Variants in DLG2 observed in about 807,000 individuals in gnomAD.
DLG2 encodes the protein discs large MAGUK scaffold protein 2.
In DLG2, 45 loss-of-function variants were observed where a neutral mutation model predicts 132.5. That is an observed-to-expected ratio of 0.34 (90% CI 0.27 to 0.44). The LOEUF (loss-of-function observed/expected upper bound fraction) is 0.44, where lower values mean the gene tolerates loss of function less well. DLG2 is among the 20% of genes least tolerant of loss of function. The pLI, the probability that DLG2 is intolerant of heterozygous loss-of-function variation, is 1.00. For missense variants in DLG2, 1,045 were observed against 1,196.9 expected (o/e 0.87, Z 1.87); for synonymous variants, 424 against 419.6 (o/e 1.01, Z -0.13).
chr11:84,183,796 A>T (rs933406809), intron 8 of DLG2, among the ~76,000 whole-genome samples: 2 of 152,020 alleles, frequency 1.3e-5, no homozygotes, highest in African/African-American at 4.8e-5. Flanking sequence ...TCATTGTTCA[A>T]TTCCCACCTA....
intron 4 of DLG2, among the ~76,000 whole-genome samples, chr11:85,257,660 AG>A (rs1227810727): frequency 6.6e-6 from 1 of 152,228 alleles, no homozygotes; most frequent in Non-Finnish European, 1.5e-5. Context: ...TGAAATATGT[AG>A]GCAATATTCA....
intron 6 of DLG2, among the ~76,000 whole-genome samples, chr11:84,779,894 A>C (rs955864074): frequency 6.6e-6 from 1 of 151,538 alleles, no homozygotes; most frequent in African/African-American, 2.4e-5. Flanking sequence ...CTCTCAACAA[A>C]AAAAAAAGCC....
chr11:85,191,478 A>G (rs2080569136), intron 4 of DLG2, among the ~76,000 whole-genome samples: 1 of 152,160 alleles, frequency 6.6e-6, no homozygotes, highest in Non-Finnish European at 1.5e-5. Flanking sequence ...GAATGCAAGG[A>G]AGAAAACAGT....
intron 18 of DLG2, among the ~76,000 whole-genome samples, chr11:83,737,596 A>T (rs2092070291): frequency 6.6e-6 from 1 of 152,244 alleles, no homozygotes; most frequent in Non-Finnish European, 1.5e-5. Flanking sequence ...GGAAAAGGAT[A>T]GCAAATAGAA....
intron 6 of DLG2, among the ~76,000 whole-genome samples, chr11:84,785,410 G>T (rs1264058645): frequency 1.3e-5 from 2 of 152,034 alleles, no homozygotes; most frequent in Non-Finnish European, 2.9e-5. Flanking sequence ...CTCATGAGTT[G>T]TTAGGTATAC....
At chr11:84,762,328 C>T (rs2067742945) in intron 6 of DLG2, among the ~76,000 whole-genome samples, 1 of 152,092 alleles carries the variant, frequency 6.6e-6, no homozygotes, top group African/African-American at 2.4e-5. Flanking sequence ...TGCACAAGGT[C>T]TTAGATGGTG....
intron 6 of DLG2, among the ~76,000 whole-genome samples, chr11:84,851,274 GTTA>G (rs1165075774): frequency 3.3e-5 from 5 of 152,130 alleles, no homozygotes; most frequent in African/African-American, 7.2e-5. Flanking sequence ...TCCTTCACAT[GTTA>G]TTATATTTGA....
chr11:85,132,817 C>T (rs1473131249), intron 5 of DLG2: 2 of 456,732 alleles, frequency 4.4e-6, no homozygotes, highest in Non-Finnish European at 8.8e-6. Context: ...CTACACAGGA[C>T]TCAGTACATG....
At chr11:84,299,131 A>G (rs1394448020) in intron 7 of DLG2, among the ~76,000 whole-genome samples, 1 of 152,234 alleles carries the variant, frequency 6.6e-6, no homozygotes, top group Non-Finnish European at 1.5e-5. Context: ...GATAAAAAAT[A>G]GAGAACTGCT....
At chr11:85,044,976 C>A (rs746324990) in intron 6 of DLG2, among the ~76,000 whole-genome samples, 1 of 152,010 alleles carries the variant, frequency 6.6e-6, no homozygotes, top group South Asian at 2.1e-4. Context: ...CCTTTCTCTG[C>A]CCGTTAATTC....
chr11:84,966,339 G>A (rs2053341313), intron 6 of DLG2, among the ~76,000 whole-genome samples: 2 of 152,150 alleles, frequency 1.3e-5, no homozygotes, highest in Middle Eastern at 3.4e-3. Flanking sequence ...CCAGAACCCA[G>A]TAGCTTAACC....
chr11:83,458,788 A>G lies in DLG2; in HGVS notation c.*1030T>C, dbSNP rs376319642. ...ATAAGTTTGTCTCTGAAAAGCCATC[A>G]GCATAAAAAAATGCATTAACCAAAT... On this transcript the variant is annotated 3_prime_UTR_variant, in exon 28 of 28. Coordinates refer to ENST00000376104, the MANE Select transcript of DLG2 (RefSeq NM_001142699.3). The G allele has an allele frequency of 3.3e-5, 5 of 152,252 alleles. No homozygotes were observed. The East Asian group carries it at 7.7e-4, about 23-fold the overall frequency. The allele number at this position is 152,252 out of a possible 1,614,324, so 9.4% of individuals were successfully genotyped here.
At chr11:84,191,552 T>C (rs1283813685) in intron 8 of DLG2, among the ~76,000 whole-genome samples, 1 of 152,182 alleles carries the variant, frequency 6.6e-6, no homozygotes, top group South Asian at 2.1e-4. Context: ...AGAACACATA[T>C]GTGGGAACTA....
chr11:83,777,677 C>A (rs972532599), intron 18 of DLG2, among the ~76,000 whole-genome samples: 2 of 152,112 alleles, frequency 1.3e-5, no homozygotes, highest in Non-Finnish European at 2.9e-5. Flanking sequence ...AACTTAAAAT[C>A]ATTATTGAAT....
At chr11:85,047,094 C>T (rs1294841233) in intron 6 of DLG2, among the ~76,000 whole-genome samples, 1 of 151,876 alleles carries the variant, frequency 6.6e-6, no homozygotes, top group Non-Finnish European at 1.5e-5. Flanking sequence ...CTATTTTCTT[C>T]TTTCTTCTTC....
chr11:84,330,544 C>G (rs1341570407), intron 7 of DLG2, among the ~76,000 whole-genome samples: 1 of 152,108 alleles, frequency 6.6e-6, no homozygotes, highest in Admixed American at 6.5e-5. Context: ...AACATTGGAG[C>G]CATACAGGAA....
intron 8 of DLG2, among the ~76,000 whole-genome samples, chr11:84,201,215 G>C (rs2096588111): frequency 6.6e-6 from 1 of 152,060 alleles, no homozygotes; most frequent in Non-Finnish European, 1.5e-5. Context: ...TGTGGTTTTT[G>C]TCTTTTGTTC....
At chr11:84,949,621 C>G (rs1207454218) in intron 6 of DLG2, among the ~76,000 whole-genome samples, 1 of 152,166 alleles carries the variant, frequency 6.6e-6, no homozygotes, top group Non-Finnish European at 1.5e-5. Context: ...CAATATTTCT[C>G]CCATTTGCTT....
intron 6 of DLG2, among the ~76,000 whole-genome samples, chr11:84,711,654 G>T (rs975820455): frequency 7.2e-5 from 11 of 152,108 alleles, no homozygotes; most frequent in African/African-American, 2.6e-4. Flanking sequence ...CAATGCATCA[G>T]CTCAAAGCAG....
Sources: allele counts gnomAD v4.1 joint callset (sites outside exome capture counted in the v4.1 genomes callset), GRCh38; gene constraint gnomAD v4.1.1; transcripts MANE v1.5; gene names NCBI Gene and HGNC (gene_info 2026-07-23, HGNC 2026-07-21).